The following DYSF variants were observed in gnomAD, a reference collection of about 807,000 sequenced individuals.
DYSF encodes the protein dysferlin.
Under a neutral mutation model 274.9 loss-of-function variants are expected in DYSF, and 212 were observed. That is an observed-to-expected ratio of 0.77 (90% CI 0.69 to 0.86). The LOEUF is 0.86. Among genes scored for constraint, DYSF ranks in the 40% least tolerant of loss-of-function variants. DYSF has a pLI of 0.00. For synonymous variants in DYSF, 1,091 were observed against 1,078.7 expected (o/e 1.01, Z -0.22); for missense variants, 2,666 against 2,783.2 (o/e 0.96, Z 0.95).
chr2:71,669,723 C>T lies in DYSF; in HGVS notation c.5761C>T (p.Gln1921Ter), dbSNP rs398123795. The T allele has an allele frequency of 1.2e-6, 2 of 1,614,216 alleles. No homozygotes were observed. The highest frequency in any genetic ancestry group is 3.3e-5 in the Admixed American group (2 of 60,032). The change falls in exon 51 of 56, where the codon CAA (glutamine) becomes TAA (stop). Residue 1921 changes from glutamine to a stop codon, truncating the protein, a stop_gained. Coordinates refer to ENST00000410020, the MANE Select transcript of DYSF (RefSeq NM_001130987.2). LOFTEE classifies it high-confidence loss of function. ...IFPFDYLPAE[Q>*]VCTIAKKDAF... ...CCCCTTCGACTACCTGCCAGCTGAG[C>T]AAGTCTGTACCATTGCCAAGAAGGT... is the stretch of plus-strand genomic sequence containing the variant.
chr2:71,586,294 G>C (rs2093066416), intron 30 of DYSF, among the ~76,000 whole-genome samples: 1 of 152,150 alleles, frequency 6.6e-6, no homozygotes, highest in African/African-American at 2.4e-5. Flanking sequence ...GCTCTGGGGG[G>C]TGTGTCTCCC....
chr2:71,627,875 T>C (rs553043368), intron 41 of DYSF, among the ~76,000 whole-genome samples: 6 of 152,256 alleles, frequency 3.9e-5, no homozygotes, highest in South Asian at 2.1e-4. Flanking sequence ...TTAAAGTCTG[T>C]TTTGTTCATG....
intron 53 of DYSF, 116 bp from the exon 54 acceptor site, chr2:71,680,885 C>T: frequency 1.2e-6 from 1 of 840,374 alleles, no homozygotes; most frequent in South Asian, 1.5e-5. Flanking sequence ...TTCAGAAACC[C>T]TACATCTTTT....
At position 71,590,235 on chromosome 2, in the gene DYSF, G is replaced by C; in HGVS notation, c.3521G>C (p.Cys1174Ser). Reference protein sequence around the residue: ...FDYGNRYHLRCYMYQARDLAA... With the variant: ...FDYGNRYHLRSYMYQARDLAA... ...GATGGGAACCGCTACCATCTACGCTGCTACATGTACCAGGCCCGGGACCTG... is the reference window on the plus strand; with the variant it reads ...GATGGGAACCGCTACCATCTACGCTCCTACATGTACCAGGCCCGGGACCTG... Residue 1174 changes from cysteine (C) to serine (S), a missense_variant, in exon 32 of 56, where the codon TGC becomes TCC. Coordinates refer to ENST00000410020, the MANE Select transcript of DYSF (RefSeq NM_001130987.2). 6.2e-7 allele frequency: 1 copy of C among 1,614,168 alleles called. No individual in the cohort carries two copies. The highest frequency in any genetic ancestry group is 8.5e-7 in the Non-Finnish European group (1 of 1,180,018).
chr2:71,526,923 G>C (rs536864050), intron 13 of DYSF, among the ~76,000 whole-genome samples: 1 of 152,232 alleles, frequency 6.6e-6, no homozygotes, highest in Non-Finnish European at 1.5e-5. Context: ...GTGGGCACCC[G>C]ACTTGCAACC....
intron 47 of DYSF, among the ~76,000 whole-genome samples, chr2:71,666,450 G>A (rs2095011512): frequency 6.6e-6 from 1 of 152,236 alleles, no homozygotes; most frequent in Non-Finnish European, 1.5e-5. Flanking sequence ...GGGCAGGTCT[G>A]ATGGGTGAAC....
intron 3 of DYSF, among the ~76,000 whole-genome samples, chr2:71,497,233 T>C (rs1420223828): frequency 2.0e-5 from 3 of 152,184 alleles, no homozygotes; most frequent in East Asian, 3.9e-4. Context: ...GGAGTGTTAT[T>C]CTTACTCAAA....
chr2:71,658,713 A>G (rs1348670322), intron 43 of DYSF, among the ~76,000 whole-genome samples, 165 bp from the exon 44 acceptor site: 2 of 152,194 alleles, frequency 1.3e-5, no homozygotes, highest in Non-Finnish European at 2.9e-5. Flanking sequence ...CGAGAATAGC[A>G]TGGGAAAGAC....
At chr2:71,606,502 C>A (rs138016976) in intron 36 of DYSF, among the ~76,000 whole-genome samples, 2 of 152,094 alleles carry the variant, frequency 1.3e-5, no homozygotes, top group African/African-American at 4.8e-5. Flanking sequence ...CAGTGAGGGT[C>A]GCAGCACCCT....
At position 71,543,149 on chromosome 2, in the gene DYSF, T is replaced by C. The variant is rs537094790; in HGVS notation, c.1576+3910T>C. ...GGGGCTCCTCACTTCCCAGACGGGG[T>C]GGCTGCCGGGCGGAGGGGCTCCTCA... On this transcript the variant is annotated intron_variant, in intron 17 of 55. Coordinates refer to ENST00000410020, the MANE Select transcript of DYSF (RefSeq NM_001130987.2). 4.3e-3 allele frequency among the ~76,000 whole-genome samples: 591 copies of C among 138,190 alleles called. 2 individuals are homozygous for C. The highest frequency in any genetic ancestry group is 7.5e-3 in the African/African-American group (269 of 35,922). The allele number at this position is 138,190 out of a possible 152,430, so 90.7% of individuals were successfully genotyped here.
chr2:71,625,102 C>G (rs902765745), intron 41 of DYSF, among the ~76,000 whole-genome samples: 11 of 152,068 alleles, frequency 7.2e-5, no homozygotes, highest in Non-Finnish European at 1.5e-4. Flanking sequence ...AGAACCAGCT[C>G]TTTAAAAATT....
At chr2:71,546,298 C>A (rs2090467984) in intron 17 of DYSF, among the ~76,000 whole-genome samples, 1 of 152,264 alleles carries the variant, frequency 6.6e-6, no homozygotes, top group Non-Finnish European at 1.5e-5. Flanking sequence ...GACAACACTT[C>A]TATTTCCTCA....
intron 52 of DYSF, 142 bp downstream of exon 52, chr2:71,674,438 A>T: frequency 2.6e-6 from 2 of 783,326 alleles, no homozygotes; most frequent in Non-Finnish European, 4.4e-6. Context: ...GCTCAGGGTC[A>T]TGTGTCCCCA....
intron 41 of DYSF, among the ~76,000 whole-genome samples, chr2:71,622,122 ATTTC>A (rs1278121987): frequency 4.4e-5 from 2 of 45,094 alleles, no homozygotes; most frequent in African/African-American, 1.1e-4. Context: ...CATTCAGATG[ATTTC>A]TTTGTTTTTT....
rs398123770 is a variant in DYSF at position 71,549,349 on chromosome 2, G to A, written c.1577-1692G>A. ...CCCTTTTCCATTTCTTTACGCTTCAGAGGAGCCTGCAGGTGCTGTCAAGCC... is the reference window on the plus strand; with the variant it reads ...CCCTTTTCCATTTCTTTACGCTTCAAAGGAGCCTGCAGGTGCTGTCAAGCC... On this transcript the variant is annotated intron_variant, in intron 17 of 55. Coordinates refer to ENST00000410020, the MANE Select transcript of DYSF (RefSeq NM_001130987.2). 8.1e-6 allele frequency: 13 copies of A among 1,612,668 alleles called. No individual in the cohort carries two copies. The highest frequency in any genetic ancestry group is 1.1e-5 in the South Asian group (1 of 90,678).
rs746351463 is a variant in DYSF, at chr2:71,668,743, T to G, written c.5458-11T>G. 3.7e-6 allele frequency: 6 copies of G among 1,612,836 alleles called. No homozygotes were observed. The South Asian group carries it at 6.6e-5, about 18-fold the overall frequency. ...AGAAGGGTGGGGAGAGAACGGACCC[T>G]GTCTCCGCAGGGGAAGCTGCAGATG... is the stretch of plus-strand genomic sequence containing the variant. On this transcript the variant is annotated splice_polypyrimidine_tract_variant and intron_variant, in intron 48 of 55. Coordinates refer to ENST00000410020, the MANE Select transcript of DYSF (RefSeq NM_001130987.2).
At chr2:71,667,579 A>G (rs752069190) in intron 48 of DYSF, 64 bp downstream of exon 48, 23 of 1,605,116 alleles carry the variant, frequency 1.4e-5, no homozygotes, top group African/African-American at 4.0e-5. Flanking sequence ...CCCAGGGACA[A>G]CATGGATATC....
Position 71,551,142 on chromosome 2 carries a change from C to T in DYSF, c.1678C>T (p.Leu560Phe). 6.2e-7 allele frequency: 1 copy of T among 1,614,110 alleles called. No individual in the cohort carries two copies. The highest frequency in any genetic ancestry group is 1.3e-5 in the African/African-American group (1 of 75,036). ...FTGFPDPYTE[L>F]NTGKGEGVAY... ...AGGCTTCCCAGACCCCTACACAGAG[C>T]TCAACACAGGCAAGGTAAGCCGGCT... Residue 560 changes from leucine (L) to phenylalanine (F), a missense_variant, in exon 18 of 56, where the codon CTC (leucine) becomes TTC (phenylalanine). By Grantham distance (22) the Leu-to-Phe change is conservative (BLOSUM62 0). Coordinates refer to ENST00000410020, the MANE Select transcript of DYSF (RefSeq NM_001130987.2).
At chr2:71,462,089 G>T (rs72896804), upstream of DYSF, among the ~76,000 whole-genome samples, 2 of 152,172 alleles carry the variant, frequency 1.3e-5, no homozygotes, top group Non-Finnish European at 2.9e-5. Flanking sequence ...TGGGCCCACT[G>T]GGCTCCTTCT....
Sources: gnomAD v4.1 joint callset for allele counts (sites outside exome capture counted in the v4.1 genomes callset) on GRCh38, gnomAD v4.1.1 for gene constraint, MANE v1.5 for transcripts, NCBI Gene and HGNC (gene_info 2026-07-23, HGNC 2026-07-21) for gene names.